Variants in ABCB9 observed in about 807,000 individuals in gnomAD.
The protein encoded by ABCB9 is ABC-type oligopeptide transporter ABCB9.
ABCB9 carries 36 observed loss-of-function variants against 62.0 expected under a neutral mutation model. That is an observed-to-expected ratio of 0.58 (90% CI 0.45 to 0.77). The LOEUF (loss-of-function observed/expected upper bound fraction) is 0.77. Ranked by LOEUF, ABCB9 falls within the 30% of genes least tolerant of loss-of-function variation. The pLI, the probability that ABCB9 is intolerant of heterozygous loss-of-function variation, is 0.00. For missense variants in ABCB9, 943 were observed against 1,054.7 expected (o/e 0.89, Z 1.47); for synonymous variants, 435 against 461.4 (o/e 0.94, Z 0.73).
chr12:122,955,651 G>A lies in ABCB9; in HGVS notation c.601+3984C>T, dbSNP rs545489428. ...CCTGCCTCAGACTCCCAAAGTACTG[G>A]CATTGTAGGCATGAGCCACTGTGCC... On this transcript the variant is annotated intron_variant, in intron 2 of 11. Transcript: ENST00000280560. 4.6e-5 allele frequency among the ~76,000 whole-genome samples: 7 copies of A among 152,168 alleles called. No individual in the cohort carries two copies. In the South Asian group the frequency reaches 8.3e-4, roughly 18 times the overall value.
chr12:122,935,130 C>T (rs538886391), intron 10 of ABCB9, 142 bp downstream of exon 10: 25 of 1,031,810 alleles, frequency 2.4e-5, no homozygotes, highest in African/African-American at 3.3e-5. Flanking sequence ...GCAGGAGGTT[C>T]GAGTCTGGCC....
In ABCB9 at chr12:122,948,619, C is replaced by T; in HGVS notation, c.1053+5G>A. The T allele has an allele frequency of 3.7e-6, 6 of 1,607,330 alleles. No homozygotes were observed. The highest frequency in any genetic ancestry group is 5.1e-6 in the Non-Finnish European group (6 of 1,176,400). On this transcript the variant is annotated splice_donor_5th_base_variant and intron_variant, in intron 5 of 11. Transcript: ENST00000280560. ...CAGTCCCCAGCAGAGACAGGGCAGG[C>T]CTACCTTGTAGTACTTGCCGTAGAT...
chr12:122,951,311 A>G (rs912089240), intron 2 of ABCB9, among the ~76,000 whole-genome samples: 1 of 149,924 alleles, frequency 6.7e-6, no homozygotes, highest in Non-Finnish European at 1.5e-5. Context: ...TGCAGCCTCA[A>G]CCTCCTGGGC....
downstream of ABCB9, chr12:122,924,933 T>C (rs1445463371): frequency 3.1e-5 from 33 of 1,077,090 alleles, no homozygotes; most frequent in Admixed American, 5.7e-4. Context: ...TTGTTTGTTT[T>C]TGAGACAGAG....
intron 9 of ABCB9, among the ~76,000 whole-genome samples, chr12:122,938,217 T>G (rs1566163215): frequency 1.3e-5 from 2 of 152,002 alleles, no homozygotes; most frequent in African/African-American, 4.8e-5. Flanking sequence ...TTGGTAATGG[T>G]AAAACAAAAC....
At chr12:122,923,512 A>G (rs1280528589) in intron 11 of ABCB9, among the ~76,000 whole-genome samples, 3 of 151,918 alleles carry the variant, frequency 2.0e-5, no homozygotes, top group Admixed American at 1.3e-4. Flanking sequence ...GATGGTCTCC[A>G]TCTCCTGACC....
Position 122,935,432 on chromosome 12 carries a change from C to G in ABCB9, c.1744-1G>C, listed in dbSNP as rs753333607. The G allele has an allele frequency of 3.1e-6, 5 of 1,612,756 alleles. No individual in the cohort carries two copies. The Admixed American group carries it at 6.7e-5, about 22-fold the overall frequency. On this transcript the variant is annotated splice_acceptor_variant, in intron 9 of 11. Coordinates refer to ENST00000280560, the MANE Select transcript of ABCB9 (RefSeq NM_019625.4). LOFTEE classifies it high-confidence loss of function. ...CGGGCTCCTGGCTCACCAGGGAGAT[C>G]TGGGGAGGAGGGAGCATGGAGCATG...
intron 2 of ABCB9, among the ~76,000 whole-genome samples, chr12:122,954,206 GTATTTTTTT>G (rs959713750): frequency 6.6e-6 from 1 of 151,594 alleles, no homozygotes; most frequent in Admixed American, 6.6e-5. Context: ...TGTTTTTTAT[GTATTTTTTT>G]TATTTTTTTT....
chr12:122,958,512 TTAGC>T (rs746642461), intron 2 of ABCB9, among the ~76,000 whole-genome samples: 1 of 152,124 alleles, frequency 6.6e-6, no homozygotes, highest in Non-Finnish European at 1.5e-5. Context: ...TTTCCTGCAG[TTAGC>T]CCTGGGCAGA....
Position 122,959,836 on chromosome 12 carries a change from A to G in ABCB9, c.400T>C (p.Trp134Arg). Residue 134 changes from tryptophan (W) to arginine (R), a missense_variant, in exon 2 of 12, where the codon TGG (tryptophan) becomes CGG (arginine). Coordinates refer to ENST00000280560, the MANE Select transcript of ABCB9 (RefSeq NM_019625.4). This position sits in a 1 kb window ranked among gnomAD's most constrained non-coding sequence, Gnocchi z 5.4. ...GGCCGCACGGTGGACAGCAGCCACC[A>G]GAGCAGGAAGGATGCGCCGAGTGAA... ...YISLGASFLL[W>R]WLLSTVRPGT... 1 of 1,613,220 alleles carries G rather than the reference A, an allele frequency of 6.2e-7. No individual in the cohort carries two copies. Among genetic ancestry groups the G allele is most frequent in the Non-Finnish European group, 8.5e-7 (1 of 1,179,804 alleles).
chr12:122,948,867 C>T (rs751103164), intron 4 of ABCB9, 38 bp from the exon 5 acceptor site: 25 of 1,255,748 alleles, frequency 2.0e-5, no homozygotes, highest in African/African-American at 6.4e-5. Context: ...CACAGCAACC[C>T]GGGCCTTGGG....
At chr12:122,935,158 C>T in intron 10 of ABCB9, 114 bp downstream of exon 10, 1 of 1,274,948 alleles carries the variant, frequency 7.8e-7, no homozygotes, top group Non-Finnish European at 1.0e-6. Flanking sequence ...CGTAGCGGGA[C>T]CCCATCTCTA....
chr12:122,941,302 T>C (rs1215369075), intron 7 of ABCB9, among the ~76,000 whole-genome samples: 8 of 149,826 alleles, frequency 5.3e-5, no homozygotes, highest in Admixed American at 5.3e-4. Context: ...TCAATTGCGA[T>C]AGCATAGCTT....
At chr12:122,945,042 T>G (rs568950172) in intron 6 of ABCB9, among the ~76,000 whole-genome samples, 1 of 152,324 alleles carries the variant, frequency 6.6e-6, no homozygotes, top group East Asian at 1.9e-4. Context: ...GGACTCCATC[T>G]GTCCTCCTCA....
In ABCB9 at chr12:122,929,416, T is replaced by C; in HGVS notation, c.*495A>G. 1 of 986,590 alleles carries C rather than the reference T, an allele frequency of 1.0e-6. No individual in the cohort carries two copies. The highest frequency in any genetic ancestry group is 1.2e-6 in the Non-Finnish European group (1 of 830,512). 61.1% of individuals were successfully genotyped at this position (986,590 alleles called of 1,614,324 possible). ...GAGAGACGGAAAATCCCGTTCCCCG[T>C]GTCTCCCTCCGGGACAGGGAAGCCC... On this transcript the variant is annotated 3_prime_UTR_variant, in exon 12 of 12. Coordinates refer to ENST00000280560, the MANE Select transcript of ABCB9 (RefSeq NM_019625.4). The surrounding 1 kb of genome is among the most constrained non-coding windows in gnomAD (Gnocchi z 6.0).
intron 9 of ABCB9, among the ~76,000 whole-genome samples, chr12:122,936,735 T>C (rs896877538): frequency 4.0e-5 from 6 of 151,800 alleles, no homozygotes; most frequent in Admixed American, 3.9e-4. Flanking sequence ...AGAAACTCTG[T>C]CTCTACTAAA....
rs374426615 is a variant in ABCB9, at chr12:122,940,249, C to T, written c.1605G>A (p.Thr535=). The T allele has an allele frequency of 2.7e-5, 43 of 1,607,580 alleles. No homozygotes were observed. Among genetic ancestry groups the T allele is most frequent in the African/African-American group, 4.0e-5 (3 of 74,738 alleles). ...VSFSLSPGKV[T]ALVGPSGSGK... ...CACTGCCCGAGGGCCCCACCAGGGC[C>T]GTCACCTTGCCGGGGGACAGGCTGA... Residue 535 remains threonine, a synonymous_variant, in exon 9 of 12, where the codon ACG becomes ACA. Coordinates refer to ENST00000280560, the MANE Select transcript of ABCB9 (RefSeq NM_019625.4). This position sits in a 1 kb window ranked among gnomAD's most constrained non-coding sequence, Gnocchi z 4.8.
Position 122,949,935 on chromosome 12 carries a change from GATATT to G in ABCB9, c.717-22_717-18del. ...GCAAATGAGCTAATTGCAGATAAGA[GATATT>G]ATAGCACGATGTCCTTCCAGACCAG... On this transcript the variant is annotated intron_variant, in intron 3 of 11. Coordinates refer to ENST00000280560, the MANE Select transcript of ABCB9 (RefSeq NM_019625.4). 2 of 1,613,944 alleles carry G rather than the reference GATATT, an allele frequency of 1.2e-6. No homozygotes were observed. Among genetic ancestry groups the G allele is most frequent in the Non-Finnish European group, 1.7e-6 (2 of 1,179,868 alleles).
chr12:122,939,816 G>A, intron 9 of ABCB9: 1 of 278,812 alleles, frequency 3.6e-6, no homozygotes, highest in Non-Finnish European at 6.7e-6. Flanking sequence ...ACAGGTGTGG[G>A]CCATCACATC....
Sources: allele counts gnomAD v4.1 joint callset (sites outside exome capture counted in the v4.1 genomes callset), GRCh38; gene constraint gnomAD v4.1.1; non-coding constraint Gnocchi (gnomAD v3.1); transcripts MANE v1.5; gene names NCBI Gene and HGNC (gene_info 2026-07-23, HGNC 2026-07-21).